Variants in KLF3 observed in about 807,000 individuals in gnomAD.
KLF3 encodes the protein Krueppel-like factor 3.
Under a neutral mutation model 32.7 loss-of-function variants are expected in KLF3, and 6 were observed. The ratio of observed to expected loss-of-function variants is 0.18; its 90% CI spans 0.10 to 0.36. The LOEUF (loss-of-function observed/expected upper bound fraction) is 0.36, where lower values mean the gene tolerates loss of function less well. Ranked by LOEUF, KLF3 falls within the 10% of genes least tolerant of loss-of-function variation. The pLI is 1.00. For missense variants in KLF3, 338 were observed against 449.7 expected (o/e 0.75, Z 2.25); for synonymous variants, 145 against 172.8 (o/e 0.84, Z 1.26).
Position 38,688,905 on chromosome 4 carries a change from G to T in KLF3, c.378G>T (p.Val126=). ...GCGTGCCGCTGTCCATGCCACCAGT[G>T]ATGGCAGCTGCCCTCTCGCGGCATG... is the stretch of plus-strand genomic sequence containing the variant. ...PFGVPLSMPP[V]MAAALSRHGI... is the part of the protein sequence containing the mutation. The change falls in exon 3 of 6, where the codon GTG becomes GTT. Residue 126 remains valine, a synonymous_variant. Coordinates refer to ENST00000261438, the MANE Select transcript of KLF3 (RefSeq NM_016531.6). This position sits in a 1 kb window ranked among gnomAD's most constrained non-coding sequence, Gnocchi z 4.9. 1.9e-6 allele frequency: 3 copies of T among 1,614,250 alleles called. No individual in the cohort carries two copies. The highest frequency in any genetic ancestry group is 2.5e-6 in the Non-Finnish European group (3 of 1,180,052).
chr4:38,686,996 T>G (rs987161672), intron 2 of KLF3, among the ~76,000 whole-genome samples: 1 of 139,760 alleles, frequency 7.2e-6, no homozygotes, highest in Non-Finnish European at 1.7e-5. Context: ...GGAATCCCTA[T>G]CAAAACCACT....
rs985831597 is a variant in KLF3 at position 38,671,738 on chromosome 4, G to A, written c.-40+7277G>A. 2.6e-5 allele frequency among the ~76,000 whole-genome samples: 4 copies of A among 152,234 alleles called. No individual in the cohort carries two copies. The highest frequency in any genetic ancestry group is 1.9e-4 in the East Asian group (1 of 5,176). On this transcript the variant is annotated intron_variant, in intron 1 of 5. Coordinates refer to ENST00000261438, the MANE Select transcript of KLF3 (RefSeq NM_016531.6). The surrounding 1 kb of genome is among the most constrained non-coding windows in gnomAD (Gnocchi z 4.4). ...GTTTCAGTGTTCTTTTCAGTAAAAC[G>A]GGAAGGTAGTAACCACCTCATTGAC...
At position 38,688,814 on chromosome 4, in the gene KLF3, G is replaced by A; in HGVS notation, c.287G>A (p.Ser96Asn). The A allele has an allele frequency of 6.2e-7, 1 of 1,614,198 alleles. No individual in the cohort carries two copies. Among genetic ancestry groups the A allele is most frequent in the African/African-American group, 1.3e-5 (1 of 75,046 alleles). The change falls in exon 3 of 6, where the codon AGC (serine) becomes AAC (asparagine). Residue 96 changes from serine (S) to asparagine (N), a missense_variant. This residue lies in a region of KLF3 where 272 missense variants were observed against 313.4 expected (regional missense o/e 0.87). Coordinates refer to ENST00000261438, the MANE Select transcript of KLF3 (RefSeq NM_016531.6). The surrounding 1 kb of genome is among the most constrained non-coding windows in gnomAD (Gnocchi z 4.9). ...CACCGGAGAGCCTCGCCTGGGTTGA[G>A]CATGCCTTCTTCCAGCCCACCGATA... ...SSHRRASPGL[S>N]MPSSSPPIKK...
intron 4 of KLF3, chr4:38,690,561 A>G (rs1722847172): frequency 6.6e-6 from 1 of 152,256 alleles, no homozygotes; most frequent in Non-Finnish European, 1.5e-5. Flanking sequence ...ATCTTGGACT[A>G]GTCACTTAAT....
At chr4:38,692,751 TC>T (rs969506569) in intron 4 of KLF3, among the ~76,000 whole-genome samples, 28 of 152,114 alleles carry the variant, frequency 1.8e-4, no homozygotes, top group African/African-American at 6.3e-4. Context: ...ACGATTAGAT[TC>T]CCAACCCATA....
At position 38,698,792 on chromosome 4, in the gene KLF3, C is replaced by T. The variant is rs540882826; in HGVS notation, c.*1529C>T. ...TTCATACATAGAAATGTCATTGGTC[C>T]TGAATTTGAAGAAAGTGAGCAACAG... On this transcript the variant is annotated 3_prime_UTR_variant, in exon 6 of 6. Coordinates refer to ENST00000261438, the MANE Select transcript of KLF3 (RefSeq NM_016531.6). 28 of 152,204 alleles carry T rather than the reference C, an allele frequency of 1.8e-4. No individual in the cohort carries two copies. The highest frequency in any genetic ancestry group is 3.9e-4 in the Admixed American group (6 of 15,288). The allele number at this position is 152,204 out of a possible 1,614,324, so 9.4% of individuals were successfully genotyped here. A position where few individuals can be genotyped will look rare whatever the true frequency, so the allele number is the denominator to read the frequency against.
Position 38,688,803 on chromosome 4 carries a change from G to T in KLF3, c.276G>T (p.Ser92=), listed in dbSNP as rs577513330. 1 of 1,614,136 alleles carries T rather than the reference G, an allele frequency of 6.2e-7. No individual in the cohort carries two copies. The highest frequency in any genetic ancestry group is 2.2e-5 in the East Asian group (1 of 44,886). ...LKFPSSHRRA[S]PGLSMPSSSP... is the part of the protein sequence containing the mutation. ...TCCCGTCCTCACACCGGAGAGCCTC[G>T]CCTGGGTTGAGCATGCCTTCTTCCA... is the stretch of plus-strand genomic sequence containing the variant. Residue 92 remains serine (S), a synonymous_variant, in exon 3 of 6, where the codon TCG becomes TCT. Transcript: ENST00000261438. The surrounding 1 kb of genome is among the most constrained non-coding windows in gnomAD (Gnocchi z 4.9).
intron 4 of KLF3, 195 bp downstream of exon 4, chr4:38,690,074 A>G: frequency 2.2e-6 from 1 of 462,514 alleles, no homozygotes; most frequent in Non-Finnish European, 3.8e-6. Context: ...TTACACTGAC[A>G]ACGTTATGAC....
At chr4:38,673,411 A>T (rs557927642) in intron 1 of KLF3, among the ~76,000 whole-genome samples, 1 of 152,226 alleles carries the variant, frequency 6.6e-6, no homozygotes, top group Non-Finnish European at 1.5e-5. Context: ...ATTTGATTAT[A>T]TAACACTTCA....
intron 2 of KLF3, among the ~76,000 whole-genome samples, chr4:38,687,639 A>T (rs1030977052): frequency 3.3e-5 from 5 of 152,202 alleles, no homozygotes; most frequent in African/African-American, 1.2e-4. Context: ...TATAGAGGAG[A>T]GAACACAGGG....
chr4:38,685,726 A>G (rs550434895), intron 2 of KLF3, among the ~76,000 whole-genome samples: 2 of 152,336 alleles, frequency 1.3e-5, no homozygotes, highest in African/African-American at 2.4e-5. Context: ...ATTTTCGTCA[A>G]TAGAAACAAT....
intron 2 of KLF3, among the ~76,000 whole-genome samples, chr4:38,685,377 C>G (rs1722661527): frequency 6.6e-6 from 1 of 152,188 alleles, no homozygotes; most frequent in African/African-American, 2.4e-5. Context: ...AGTCTTGTAC[C>G]TTACAATAAT....
rs765056367 is a variant in KLF3 at position 38,697,287 on chromosome 4, G to A, written c.*24G>A. The A allele has an allele frequency of 2.3e-5, 36 of 1,571,268 alleles. No homozygotes were observed. The highest frequency in any genetic ancestry group is 1.7e-4 in the Middle Eastern group (1 of 5,890). ...GATTGCCTCTGTGTCCTGCCTCAGC[G>A]TGACTCCCCACTCACCTGGCTCTCT... is the stretch of plus-strand genomic sequence containing the variant. On this transcript the variant is annotated 3_prime_UTR_variant, in exon 6 of 6. Transcript: ENST00000261438.
chr4:38,688,500 C>A lies in KLF3; in HGVS notation c.58-85C>A. ...TAAAGCCCATGTAATTGTTAAGTGC[C>A]TTGTTAGCATATTTTTCTTAATTCA... On this transcript the variant is annotated intron_variant, in intron 2 of 5. Coordinates refer to ENST00000261438, the MANE Select transcript of KLF3 (RefSeq NM_016531.6). This position sits in a 1 kb window ranked among gnomAD's most constrained non-coding sequence, Gnocchi z 4.9. The A allele has an allele frequency of 7.5e-7, 1 of 1,338,414 alleles. No individual in the cohort carries two copies. The highest frequency in any genetic ancestry group is 1.4e-5 in the South Asian group (1 of 70,112). 82.9% of individuals were successfully genotyped at this position (1,338,414 alleles called of 1,614,324 possible).
chr4:38,685,735 A>G (rs980504552), intron 2 of KLF3, among the ~76,000 whole-genome samples: 1 of 152,214 alleles, frequency 6.6e-6, no homozygotes, highest in African/African-American at 2.4e-5. Flanking sequence ...AATAGAAACA[A>G]TGCTGCCTCC....
At chr4:38,680,274 T>A (rs1053837862) in intron 1 of KLF3, among the ~76,000 whole-genome samples, 2 of 151,964 alleles carry the variant, frequency 1.3e-5, no homozygotes, top group East Asian at 3.9e-4. Flanking sequence ...AGTGCAGCGG[T>A]GCCATTTCGG....
chr4:38,674,042 AT>A lies in KLF3; in HGVS notation c.-39-6543del, dbSNP rs1722273000. Among the ~76,000 whole-genome samples, 1 of 152,202 alleles carries A rather than the reference AT, an allele frequency of 6.6e-6. No homozygotes were observed. The highest frequency in any genetic ancestry group is 6.5e-5 in the Admixed American group (1 of 15,278). The stretch of plus-strand genomic sequence containing the variant: ...AATACACATTAATGCAAAATAACTA[AT>A]TCATGAGGGGCGAAGATTTAGAAAC... On this transcript the variant is annotated intron_variant, in intron 1 of 5. Transcript: ENST00000261438. This position sits in a 1 kb window ranked among gnomAD's most constrained non-coding sequence, Gnocchi z 4.1.
chr4:38,695,012 A>T (rs531738066), intron 5 of KLF3, 106 bp downstream of exon 5: 1 of 984,714 alleles, frequency 1.0e-6, no homozygotes, highest in African/African-American at 1.7e-5. Flanking sequence ...AAGTCACCAC[A>T]GTCATCTCCA....
rs897167088 is a variant in KLF3, at chr4:38,699,840, A to G, written c.*2577A>G. ...CTTATATATATATTTGTATTTTACT[A>G]TGATAGTTGAGAAATTTAGCCTCTT... On this transcript the variant is annotated 3_prime_UTR_variant, in exon 6 of 6. Transcript: ENST00000261438. 1.3e-5 allele frequency: 2 copies of G among 152,178 alleles called. No individual in the cohort carries two copies. The highest frequency in any genetic ancestry group is 6.5e-5 in the Admixed American group (1 of 15,284). The allele number at this position is 152,178 out of a possible 1,614,324, so 9.4% of individuals were successfully genotyped here.
Sources: gnomAD v4.1 joint callset for allele counts (sites outside exome capture counted in the v4.1 genomes callset) on GRCh38, gnomAD v4.1.1 for gene constraint, gnomAD v4.1.1 regional missense constraint, Gnocchi (gnomAD v3.1) non-coding constraint, MANE v1.5 for transcripts, NCBI Gene and HGNC (gene_info 2026-07-23, HGNC 2026-07-21) for gene names.